UQCC5: variants seen among roughly 807,000 people sequenced by gnomAD.
The protein encoded by UQCC5 is UPF0640 protein C3orf78.
chr3:52,541,606 G>A, the UQCC5 span: 1 of 152,230 alleles, frequency 6.6e-6, no homozygotes, highest in Non-Finnish European at 1.5e-5. Context: ...TGGCTTGAAT[G>A]TGAAAGGCCA....
At chr3:52,537,414 C>A in the UQCC5 span, among the ~76,000 whole-genome samples, 1 of 152,200 alleles carries the variant, frequency 6.6e-6, no homozygotes, top group Non-Finnish European at 1.5e-5. Context: ...AGTGGTAACG[C>A]CTGGCACTGC....
chr3:52,536,954 G>A, the UQCC5 span: 1 of 1,547,784 alleles, frequency 6.5e-7, no homozygotes, highest in Non-Finnish European at 8.7e-7. Flanking sequence ...AAGGCACGAG[G>A]CGGTAGGGAT....
At chr3:52,536,779 A>G in the UQCC5 span, 1 of 1,551,784 alleles carries the variant, frequency 6.4e-7, no homozygotes, top group Non-Finnish European at 8.7e-7. Flanking sequence ...CCCAGGTGAG[A>G]CGGATTCTGC....
the UQCC5 span, chr3:52,541,740 A>G: frequency 6.6e-6 from 1 of 152,202 alleles, no homozygotes; most frequent in African/African-American, 2.4e-5. Context: ...ACTGCTGTAT[A>G]AAAACTATAG....
At chr3:52,536,823 A>G in the UQCC5 span, 4 of 1,551,590 alleles carry the variant, frequency 2.6e-6, no homozygotes, top group Admixed American at 2.0e-5. Flanking sequence ...TTTGGCATCT[A>G]CCGGTTCCTG....
chr3:52,540,723 G>A, the UQCC5 span: 1 of 391,820 alleles, frequency 2.6e-6, no homozygotes. Flanking sequence ...ACACTCACTC[G>A]ATGAATCTAG....
chr3:52,541,532 C>T, the UQCC5 span: 1 of 152,228 alleles, frequency 6.6e-6, no homozygotes, highest in Non-Finnish European at 1.5e-5. Flanking sequence ...TAACTAACTA[C>T]TCCCATCTCC....
the UQCC5 span, chr3:52,537,037 A>C: frequency 5.5e-6 from 7 of 1,281,602 alleles, no homozygotes; most frequent in African/African-American, 1.5e-5. Flanking sequence ...GTGCAGTTCC[A>C]TTCGCTTGGC....
chr3:52,539,858 C>CA, the UQCC5 span, among the ~76,000 whole-genome samples: 1 of 152,136 alleles, frequency 6.6e-6, no homozygotes, highest in Non-Finnish European at 1.5e-5. Context: ...AGGCTGGTCT[C>CA]AAACTCCTGA....
the UQCC5 span, among the ~76,000 whole-genome samples, chr3:52,540,194 T>A: frequency 6.6e-6 from 1 of 152,224 alleles, no homozygotes; most frequent in African/African-American, 2.4e-5. Flanking sequence ...TGCTAAGACA[T>A]GATTCTATCT....
chr3:52,536,795 G>C, the UQCC5 span: 4 of 1,551,814 alleles, frequency 2.6e-6, no homozygotes, highest in Non-Finnish European at 3.5e-6. Flanking sequence ...TCTGCAGCGG[G>C]TGCCCGGGAA....
At chr3:52,536,958 T>G in the UQCC5 span, 2 of 1,545,656 alleles carry the variant, frequency 1.3e-6, no homozygotes, top group South Asian at 2.4e-5. Flanking sequence ...CACGAGGCGG[T>G]AGGGATCCGT....
At chr3:52,536,915 G>C in the UQCC5 span, 6 of 1,551,468 alleles carry the variant, frequency 3.9e-6, no homozygotes, top group Non-Finnish European at 5.2e-6. Context: ...CTGTAAGTGA[G>C]GGGGTAGCAG....
At chr3:52,536,725 G>T in the UQCC5 span, 4 of 1,551,318 alleles carry the variant, frequency 2.6e-6, no homozygotes, top group Non-Finnish European at 3.5e-6. Context: ...GCTTAGTTCC[G>T]TCATATCCCT....
chr3:52,536,935 C>T, the UQCC5 span: 1 of 1,550,852 alleles, frequency 6.4e-7, no homozygotes, highest in Middle Eastern at 1.7e-4. Flanking sequence ...GTCTCTGTTT[C>T]CTTTCAGGAA....
chr3:52,541,435 C>T, the UQCC5 span: 1 of 151,910 alleles, frequency 6.6e-6, no homozygotes, highest in Non-Finnish European at 1.5e-5. Flanking sequence ...TTAATGATCT[C>T]TGCCACAAAC....
At chr3:52,538,824 A>G in the UQCC5 span, among the ~76,000 whole-genome samples, 2 of 126,402 alleles carry the variant, frequency 1.6e-5, no homozygotes, top group South Asian at 4.6e-4. Flanking sequence ...AACCAGGAGG[A>G]TTTGTTATCA....
At chr3:52,540,294 G>T in the UQCC5 span, 1 of 649,854 alleles carries the variant, frequency 1.5e-6, no homozygotes, top group Non-Finnish European at 2.6e-6. Flanking sequence ...GTTTATTTTG[G>T]CATTGAGTTA....
the UQCC5 span, chr3:52,536,656 G>A: frequency 6.6e-7 from 1 of 1,505,386 alleles, no homozygotes; most frequent in Admixed American, 2.0e-5. Flanking sequence ...TAGTCTCCCA[G>A]GTCGCGGTAC....
Sources: gnomAD v4.1 joint callset for allele counts (sites outside exome capture counted in the v4.1 genomes callset) on GRCh38, gnomAD v4.1.1 for gene constraint, MANE v1.5 for transcripts, NCBI Gene and HGNC (gene_info 2026-07-23, HGNC 2026-07-21) for gene names.